Variants in ATG101 observed in about 807,000 individuals in gnomAD.
ATG101 encodes autophagy-related protein 101.
A neutral mutation model predicts 16.7 loss-of-function variants in ATG101; 6 were observed. That is an observed-to-expected ratio of 0.36 (90% confidence interval 0.20 to 0.71). The LOEUF is 0.71. Ranked by LOEUF, ATG101 falls within the 30% of genes least tolerant of loss-of-function variation. The pLI is 0.57. For missense variants in ATG101, 200 were observed against 292.5 expected (o/e 0.68, Z 2.31); for synonymous variants, 108 against 118.1 (o/e 0.91, Z 0.56).
At chr12:52,067,234 A>T (rs755186039), upstream of ATG101, among the ~76,000 whole-genome samples, 1 of 152,246 alleles carries the variant, frequency 6.6e-6, no homozygotes, top group Non-Finnish European at 1.5e-5. Context: ...GCCAGCTGGC[A>T]CTGGCCCTCA....
At position 52,077,142 on chromosome 12, in the gene ATG101, A is replaced by G. The variant is rs779354587; in HGVS notation, c.609A>G (p.Ser203=). 2 of 1,614,166 alleles carry G rather than the reference A, an allele frequency of 1.2e-6. No individual in the cohort carries two copies. The highest frequency in any genetic ancestry group is 3.3e-5 in the Admixed American group (2 of 60,020). The part of the protein sequence containing the change: ...SFQITDALGT[S]VTTTMRRLIK... ...AGATCACTGATGCCCTGGGCACCTC[A>G]GTCACCACCACCATGCGCAGGCTCA... Residue 203 remains serine, a synonymous_variant, in exon 4 of 4, where the codon TCA becomes TCG. Coordinates refer to ENST00000336854, the MANE Select transcript of ATG101 (RefSeq NM_021934.5).
At chr12:52,072,678 C>T (rs1167774161) in intron 2 of ATG101, among the ~76,000 whole-genome samples, 1 of 152,096 alleles carries the variant, frequency 6.6e-6, no homozygotes, top group African/African-American at 2.4e-5. Context: ...ATTCACTTCT[C>T]AGAGCAGTTT....
chr12:52,075,555 A>G (rs1288636004), intron 3 of ATG101, among the ~76,000 whole-genome samples: 1 of 152,186 alleles, frequency 6.6e-6, no homozygotes, highest in Non-Finnish European at 1.5e-5. Context: ...CAGTGAAGGA[A>G]AGCCTCTTCC....
chr12:52,065,715 A>C (rs1939541953), upstream of ATG101, among the ~76,000 whole-genome samples: 1 of 152,206 alleles, frequency 6.6e-6, no homozygotes, highest in Non-Finnish European at 1.5e-5. Flanking sequence ...TAGGGACATA[A>C]GTGGGTGAAA....
chr12:52,067,577 C>A (rs1939561147), upstream of ATG101, among the ~76,000 whole-genome samples: 1 of 152,040 alleles, frequency 6.6e-6, no homozygotes, highest in Non-Finnish European at 1.5e-5. Flanking sequence ...AACCTCTCCC[C>A]AGTCACTTTC....
chr12:52,072,503 C>G (rs180804007), intron 2 of ATG101, among the ~76,000 whole-genome samples: 3 of 152,320 alleles, frequency 2.0e-5, no homozygotes, highest in East Asian at 3.9e-4. Context: ...GTAACTACAT[C>G]TACTGTAGTG....
At chr12:52,071,865 G>A (rs923041894) in intron 2 of ATG101, among the ~76,000 whole-genome samples, 2 of 152,156 alleles carry the variant, frequency 1.3e-5, no homozygotes, top group African/African-American at 4.8e-5. Flanking sequence ...AACATTGACT[G>A]GTTGTTGTGA....
At position 52,077,145 on chromosome 12, in the gene ATG101, C is replaced by T. The variant is rs748668468; in HGVS notation, c.612C>T (p.Val204=). Residue 204 remains valine, a synonymous_variant, in exon 4 of 4, where the codon GTC becomes GTT. Transcript: ENST00000336854. The stretch of plus-strand genomic sequence containing the variant: ...TCACTGATGCCCTGGGCACCTCAGT[C>T]ACCACCACCATGCGCAGGCTCATCA... ...FQITDALGTS[V]TTTMRRLIKD... is the part of the protein sequence containing the mutation. 1.2e-6 allele frequency: 2 copies of T among 1,614,202 alleles called. No homozygotes were observed. Among genetic ancestry groups the T allele is most frequent in the African/African-American group, 1.3e-5 (1 of 75,058 alleles).
upstream of ATG101, chr12:52,069,100 A>T (rs944361196): frequency 2.0e-5 from 3 of 151,420 alleles, no homozygotes; most frequent in Non-Finnish European, 2.9e-5. Context: ...ATCTACATGG[A>T]GAACCAAATG....
intron 3 of ATG101, 113 bp from the exon 4 acceptor site, chr12:52,076,673 G>A: frequency 7.8e-7 from 1 of 1,274,234 alleles, no homozygotes. Flanking sequence ...TCCTTGCCAT[G>A]CTTGGATGAT....
Position 52,073,836 on chromosome 12 carries a change from C to A in ATG101, c.186C>A (p.Phe62Leu), listed in dbSNP as rs776886449. Reference sequence around the variant, plus strand: ...ATGTTGACTGTGACTTCATCGACTTCACTTATGTGCGTGTCTCTTCTGAGG... The same window carrying A: ...ATGTTGACTGTGACTTCATCGACTTAACTTATGTGCGTGTCTCTTCTGAGG... The part of the protein sequence containing the change: ...TQDVDCDFID[F>L]TYVRVSSEEL... The change falls in exon 3 of 4, where the codon TTC becomes TTA. Residue 62 changes from phenylalanine (F) to leucine (L), a missense_variant. Coordinates refer to ENST00000336854, the MANE Select transcript of ATG101 (RefSeq NM_021934.5). 1.2e-4 allele frequency: 191 copies of A among 1,614,090 alleles called. No individual in the cohort carries two copies. The highest frequency in any genetic ancestry group is 1.6e-4 in the Non-Finnish European group (184 of 1,180,048).
upstream of ATG101, among the ~76,000 whole-genome samples, chr12:52,068,598 G>A (rs1370642290): frequency 1.3e-5 from 2 of 152,086 alleles, no homozygotes; most frequent in African/African-American, 2.4e-5. Context: ...CCCAGGTGAT[G>A]CTCTGTCCTA....
chr12:52,076,921 G>T lies in ATG101; in HGVS notation c.388G>T (p.Ala130Ser), dbSNP rs1279564424. ...EVWTVKVHVV[A>S]LATEQERQIC... Reference sequence around the variant, plus strand: ...GTGGACGGTCAAGGTGCATGTGGTAGCCCTGGCCACGGAGCAGGAGCGGCA... The same window carrying T: ...GTGGACGGTCAAGGTGCATGTGGTATCCCTGGCCACGGAGCAGGAGCGGCA... The change falls in exon 4 of 4, where the codon GCC becomes TCC. Residue 130 changes from alanine to serine, a missense_variant. Ala to Ser is a moderately conservative substitution (Grantham distance 99). Transcript: ENST00000336854. 1.2e-6 allele frequency: 2 copies of T among 1,614,214 alleles called. No individual in the cohort carries two copies. Among genetic ancestry groups the T allele is most frequent in the Non-Finnish European group, 1.7e-6 (2 of 1,180,040 alleles).
chr12:52,065,997 C>T (rs941794773), upstream of ATG101, among the ~76,000 whole-genome samples: 2 of 152,208 alleles, frequency 1.3e-5, no homozygotes, highest in Non-Finnish European at 2.9e-5. Flanking sequence ...CCTGCCTCAG[C>T]CTCCTGAGTA....
upstream of ATG101, among the ~76,000 whole-genome samples, chr12:52,068,321 C>T (rs12824536): frequency 0.2 from 29,512 of 150,762 alleles, 3,855 homozygotes; most frequent in East Asian, 0.42. Flanking sequence ...CCCAAAGTAC[C>T]GGGATTACAG....
chr12:52,073,924 A>G lies in ATG101; in HGVS notation c.252+22A>G, dbSNP rs367578726. 4 of 1,518,852 alleles carry G rather than the reference A, an allele frequency of 2.6e-6. No homozygotes were observed. In the African/African-American group the frequency reaches 6.0e-5, roughly 23 times the overall value. The allele number at this position is 1,518,852 out of a possible 1,614,324, so 94.1% of individuals were successfully genotyped here. A position where few individuals can be genotyped will look rare whatever the true frequency, so the allele number is the denominator to read the frequency against. On this transcript the variant is annotated intron_variant, in intron 3 of 3. Coordinates refer to ENST00000336854, the MANE Select transcript of ATG101 (RefSeq NM_021934.5). ...CAAGGTAAGGGTGTCGGGGAGTTCA[A>G]GGTAAGGGTGTGGCATAGCAGATGG...
At chr12:52,068,261 C>T (rs1565659426), upstream of ATG101, among the ~76,000 whole-genome samples, 1 of 149,118 alleles carries the variant, frequency 6.7e-6, no homozygotes, top group Non-Finnish European at 1.5e-5. Flanking sequence ...ACCATATTGG[C>T]CAGGCTGGTC....
intron 3 of ATG101, among the ~76,000 whole-genome samples, chr12:52,074,401 A>T (rs541657121): frequency 7.2e-5 from 11 of 152,038 alleles, no homozygotes; most frequent in Non-Finnish European, 1.5e-4. Flanking sequence ...GCTGTTGGTC[A>T]CCTCAGGAGG....
chr12:52,074,022 G>A (rs1939694034), intron 3 of ATG101, 120 bp downstream of exon 3: 11 of 1,407,356 alleles, frequency 7.8e-6, no homozygotes, highest in African/African-American at 1.4e-5. Context: ...TGCGTGAATC[G>A]GGTTCTTTCA....
Sources: allele counts gnomAD v4.1 joint callset (sites outside exome capture counted in the v4.1 genomes callset), GRCh38; gene constraint gnomAD v4.1.1; transcripts MANE v1.5; gene names NCBI Gene and HGNC (gene_info 2026-07-23, HGNC 2026-07-21).